SLC12A7: variants seen among roughly 807,000 people sequenced by gnomAD.
The protein encoded by SLC12A7 is solute carrier family 12 member 7.
Under a neutral mutation model 120.6 loss-of-function variants are expected in SLC12A7, and 100 were observed. That is an observed-to-expected ratio of 0.83 (90% CI 0.71 to 0.98). The LOEUF (loss-of-function observed/expected upper bound fraction) is 0.98. Ranked by LOEUF, SLC12A7 falls within the 50% of genes least tolerant of loss-of-function variation. The pLI is 0.00. For synonymous variants in SLC12A7, 760 were observed against 678.0 expected, an observed-to-expected ratio of 1.12 and a Z score of -1.88; for missense variants, 1,373 against 1,548.1, an observed-to-expected ratio of 0.89 and a Z score of 1.90.
At chr5:1,090,051 G>C (rs1360327826) in intron 3 of SLC12A7, among the ~76,000 whole-genome samples, 1 of 152,274 alleles carries the variant, frequency 6.6e-6, no homozygotes. Flanking sequence ...CCTGTGAACA[G>C]TGGCCACAAT....
chr5:1,067,161 C>T (rs1428221586), intron 17 of SLC12A7, among the ~76,000 whole-genome samples: 1 of 152,220 alleles, frequency 6.6e-6, no homozygotes, highest in East Asian at 1.9e-4. Context: ...GCCCAGCTGC[C>T]CGGGCGCAAG....
the SLC12A7 span, among the ~76,000 whole-genome samples, chr5:1,122,425 A>G: frequency 6.6e-6 from 1 of 152,206 alleles, no homozygotes; most frequent in Non-Finnish European, 1.5e-5. Flanking sequence ...ACTGGTAAAA[A>G]TGTTTGTTAG....
In SLC12A7 at chr5:1,080,618, G is replaced by A. The variant is rs114537894; in HGVS notation, c.1297+959C>T. Among the ~76,000 whole-genome samples the A allele has an allele frequency of 5.7e-3, 864 of 152,354 alleles. 9 individuals carry two copies. Among genetic ancestry groups the A allele is most frequent in the African/African-American group, 0.02 (823 of 41,592 alleles). ...AGCCAGCGCCTGTCAGGGGCGTCCCGACAAGAAGGCCGAGTGGAGACAGCC... is the reference window on the plus strand; with the variant it reads ...AGCCAGCGCCTGTCAGGGGCGTCCCAACAAGAAGGCCGAGTGGAGACAGCC... On this transcript the variant is annotated intron_variant, in intron 9 of 23. Coordinates refer to ENST00000264930, the MANE Select transcript of SLC12A7 (RefSeq NM_006598.3).
intron 1 of SLC12A7, among the ~76,000 whole-genome samples, chr5:1,099,466 ACGGC>A (rs1741771845): frequency 2.1e-5 from 3 of 140,758 alleles, no homozygotes; most frequent in East Asian, 2.0e-4. Flanking sequence ...CCTCCGGGGG[ACGGC>A]AGGGCCCGAC....
the SLC12A7 span, among the ~76,000 whole-genome samples, chr5:1,123,961 C>T: frequency 1.3e-5 from 2 of 152,224 alleles, no homozygotes; most frequent in Admixed American, 6.5e-5. Context: ...CAGGCCAATA[C>T]GCTACTAAAT....
At chr5:1,067,328 G>T (rs1038803832) in intron 17 of SLC12A7, among the ~76,000 whole-genome samples, 10 of 152,258 alleles carry the variant, frequency 6.6e-5, no homozygotes, top group Non-Finnish European at 1.5e-4. Flanking sequence ...ACGCTGCGGG[G>T]TGGACACAGC....
chr5:1,087,067 G>A (rs775161813), intron 5 of SLC12A7, 34 bp from the exon 6 acceptor site: 4 of 1,592,694 alleles, frequency 2.5e-6, no homozygotes, highest in Middle Eastern at 1.7e-4. Context: ...GCGGGTCAGG[G>A]GCGCACTTGG....
the SLC12A7 span, among the ~76,000 whole-genome samples, chr5:1,143,602 G>T: frequency 2.0e-5 from 3 of 152,170 alleles, no homozygotes. Context: ...GAATCTGGGG[G>T]CACGACTCAG....
chr5:1,124,950 AG>A, the SLC12A7 span, among the ~76,000 whole-genome samples: 1 of 152,212 alleles, frequency 6.6e-6, no homozygotes, highest in Non-Finnish European at 1.5e-5. Flanking sequence ...ACACTACTCC[AG>A]GGAACAGCTA....
intron 3 of SLC12A7, among the ~76,000 whole-genome samples, chr5:1,090,540 TG>T (rs1410937827): frequency 1.3e-5 from 2 of 152,148 alleles, no homozygotes; most frequent in African/African-American, 2.4e-5. Flanking sequence ...GAACCGGCTT[TG>T]GGACATTCTC....
In SLC12A7 at chr5:1,086,958, A is replaced by AG. The variant is rs1255332565; in HGVS notation, c.619dup (p.Leu207ProfsTer147). The AG allele has an allele frequency of 6.2e-7, 1 of 1,612,778 alleles. No individual in the cohort carries two copies. Among genetic ancestry groups the AG allele is most frequent in the African/African-American group, 1.3e-5 (1 of 74,954 alleles). On this transcript the variant is annotated frameshift_variant, in exon 6 of 24. Transcript: ENST00000264930. LOFTEE classifies it high-confidence loss of function. ...CATGGCCCCTGCAAACGTCGTGCCC[A>AG]GGTAGAAGCAGAGGCCGACAGCGCC...
chr5:1,152,988 T>G, the SLC12A7 span, among the ~76,000 whole-genome samples: 1 of 152,232 alleles, frequency 6.6e-6, no homozygotes, highest in African/African-American at 2.4e-5. Flanking sequence ...TGTTTGCTTT[T>G]TTAAACTTGG....
intron 5 of SLC12A7, 144 bp from the exon 6 acceptor site, chr5:1,087,177 A>T: frequency 9.0e-7 from 1 of 1,117,214 alleles, no homozygotes; most frequent in Non-Finnish European, 1.2e-6. Context: ...GCAAAGCAGC[A>T]CATGGAGACG....
chr5:1,154,814 T>A, the SLC12A7 span, among the ~76,000 whole-genome samples: 2 of 152,258 alleles, frequency 1.3e-5, no homozygotes, highest in Admixed American at 1.3e-4. Context: ...GGGCAAGACA[T>A]CGCAGTAACC....
At chr5:1,053,757 C>T (rs1217640187) in intron 22 of SLC12A7, among the ~76,000 whole-genome samples, 4 of 152,236 alleles carry the variant, frequency 2.6e-5, no homozygotes, top group Non-Finnish European at 4.4e-5. Flanking sequence ...CTAAGGGCTA[C>T]AGTCACACAA....
intron 10 of SLC12A7, 114 bp downstream of exon 10, chr5:1,079,284 T>C: frequency 1.2e-6 from 1 of 807,394 alleles, no homozygotes; most frequent in East Asian, 2.5e-5. Context: ...GAGCACAGCC[T>C]AACCTGGGAA....
chr5:1,155,384 G>C, the SLC12A7 span, among the ~76,000 whole-genome samples: 1 of 152,152 alleles, frequency 6.6e-6, no homozygotes, highest in African/African-American at 2.4e-5. Context: ...CTCTGCAGCC[G>C]CGGGAACAGC....
the SLC12A7 span, among the ~76,000 whole-genome samples, chr5:1,155,666 G>T: frequency 6.6e-6 from 1 of 151,180 alleles, no homozygotes; most frequent in South Asian, 2.1e-4. Context: ...GCACCTGCGC[G>T]CACCTACCGT....
the SLC12A7 span, among the ~76,000 whole-genome samples, chr5:1,137,966 C>T: frequency 6.6e-6 from 1 of 152,220 alleles, no homozygotes; most frequent in African/African-American, 2.4e-5. Context: ...GGGCTGGTTC[C>T]TGGGCTCCTG....
Sources: allele counts gnomAD v4.1 joint callset (sites outside exome capture counted in the v4.1 genomes callset), GRCh38; gene constraint gnomAD v4.1.1; transcripts MANE v1.5; gene names NCBI Gene and HGNC (gene_info 2026-07-23, HGNC 2026-07-21).